DPP4: variants seen among roughly 807,000 people sequenced by gnomAD.
DPP4 encodes the protein ADCP-2.
A neutral mutation model predicts 122.4 loss-of-function variants in DPP4; 93 were observed. The observed-to-expected ratio is 0.76, with a 90% CI of 0.64 to 0.90. DPP4 has a LOEUF of 0.90. Ranked by LOEUF, DPP4 falls within the 40% of genes least tolerant of loss-of-function variation. The pLI, the probability that DPP4 is intolerant of heterozygous loss-of-function variation, is 0.00. For missense variants in DPP4, 914 were observed against 907.3 expected, an observed-to-expected ratio of 1.01 and a Z score of -0.09; for synonymous variants, 321 against 302.9, an observed-to-expected ratio of 1.06 and a Z score of -0.62.
At chr2:162,048,808 T>C (rs1188336950) in intron 2 of DPP4, among the ~76,000 whole-genome samples, 1 of 152,230 alleles carries the variant, frequency 6.6e-6, no homozygotes, top group Non-Finnish European at 1.5e-5. Flanking sequence ...TGCCTACCCA[T>C]GTGGTGTCCT....
At chr2:162,053,427 TA>T (rs59821493) in intron 2 of DPP4, among the ~76,000 whole-genome samples, 6,057 of 144,650 alleles carry the variant, frequency 0.042, 267 homozygotes, top group African/African-American at 0.11. Flanking sequence ...TGAATAACTT[TA>T]AAAAAAAAAA....
At chr2:161,996,007 C>A (rs1166151059) in intron 23 of DPP4, among the ~76,000 whole-genome samples, 2 of 152,060 alleles carry the variant, frequency 1.3e-5, no homozygotes, top group Non-Finnish European at 2.9e-5. Context: ...TTGCTGTTGT[C>A]TGCCTCATTC....
Position 162,009,264 on chromosome 2 carries a change from T to C in DPP4, c.1864A>G (p.Lys622Glu), listed in dbSNP as rs1250152086. The stretch of plus-strand genomic sequence containing the variant: ...ACCCAGCCCCAAATTGCAATTCGTT[T>C]GTTGTCCACAAATCCCATTTTTGAA... ...QFSKMGFVDN[K>E]RIAIWGWSYG... is the part of the protein sequence containing the mutation. The change falls in exon 21 of 26, where the codon AAA (lysine) becomes GAA (glutamate). Residue 622 changes from lysine to glutamate, a missense_variant. Coordinates refer to ENST00000360534, the MANE Select transcript of DPP4 (RefSeq NM_001935.4). The C allele has an allele frequency of 6.2e-7, 1 of 1,613,830 alleles. No individual in the cohort carries two copies. The highest frequency in any genetic ancestry group is 2.2e-5 in the East Asian group (1 of 44,864).
At chr2:162,014,993 C>A (rs912945171) in intron 18 of DPP4, among the ~76,000 whole-genome samples, 2 of 152,164 alleles carry the variant, frequency 1.3e-5, no homozygotes, top group African/African-American at 2.4e-5. Context: ...AGAATGAGAT[C>A]GGGTTTATAT....
chr2:162,054,250 G>C (rs1334866971), intron 2 of DPP4, among the ~76,000 whole-genome samples: 1 of 152,170 alleles, frequency 6.6e-6, no homozygotes, highest in Non-Finnish European at 1.5e-5. Context: ...ATTGTATTTT[G>C]GAAGCACACA....
chr2:162,047,477 C>A lies in DPP4; in HGVS notation c.119G>T (p.Arg40Leu). 1 of 1,575,798 alleles carries A rather than the reference C, an allele frequency of 6.3e-7. No individual in the cohort carries two copies. The change falls in exon 3 of 26, where the codon CGC (arginine) becomes CTC (leucine). Residue 40 changes from arginine to leucine, a missense_variant. Physicochemically the swap from Arg to Leu is moderately radical, Grantham distance 102. Transcript: ENST00000360534. ...GTAATCAGTTAGAGTGTAAGTTTTG[C>A]GACTGTCAGCTGTAGCATCATCTGC... ...KGTDDATADS[R>L]KTYTLTDYLK...
chr2:162,030,296 G>T (rs969774513), intron 10 of DPP4, among the ~76,000 whole-genome samples: 2 of 152,186 alleles, frequency 1.3e-5, no homozygotes, highest in Non-Finnish European at 2.9e-5. Flanking sequence ...TTCAAGTTCA[G>T]GCCTTAGTTG....
At chr2:162,072,792 C>T (rs950648916) in intron 2 of DPP4, among the ~76,000 whole-genome samples, 3 of 152,132 alleles carry the variant, frequency 2.0e-5, no homozygotes, top group Admixed American at 6.5e-5. Context: ...GATTCCAGAC[C>T]CTTCTTAAAT....
At chr2:161,999,707 G>C (rs1701096563) in intron 23 of DPP4, among the ~76,000 whole-genome samples, 1 of 152,190 alleles carries the variant, frequency 6.6e-6, no homozygotes, top group Non-Finnish European at 1.5e-5. Context: ...TTAAAAGAGA[G>C]AGCTGATAAG....
chr2:161,994,879 C>T (rs1700959297), intron 25 of DPP4, 82 bp downstream of exon 25: 3 of 1,299,830 alleles, frequency 2.3e-6, no homozygotes, highest in South Asian at 2.4e-5. Flanking sequence ...CTGTCTGTGG[C>T]ACTGCTAAAA....
At chr2:162,056,244 G>A (rs1429727640) in intron 2 of DPP4, among the ~76,000 whole-genome samples, 1 of 152,140 alleles carries the variant, frequency 6.6e-6, no homozygotes, top group African/African-American at 2.4e-5. Flanking sequence ...TTAATTGGAT[G>A]TAAGCTCCGT....
In DPP4 at chr2:161,995,021, A is replaced by C; in HGVS notation, c.2139T>G (p.Phe713Leu). The C allele has an allele frequency of 6.2e-7, 1 of 1,614,076 alleles. No homozygotes were observed. The highest frequency in any genetic ancestry group is 1.7e-5 in the Admixed American group (1 of 60,018). Residue 713 changes from phenylalanine (F) to leucine (L), a missense_variant, in exon 25 of 26, where the codon TTT becomes TTG. By Grantham distance (22) the Phe-to-Leu change is conservative. Coordinates refer to ENST00000360534, the MANE Select transcript of DPP4 (RefSeq NM_001935.4). ...CTTTGGAGATCTGAGCTGACTGCTG[A>C]AAGTGAACGTTATCTGCAGGGAGAG... ...IHGTADDNVH[F>L]QQSAQISKAL...
At chr2:162,025,334 G>A (rs1384953240) in intron 10 of DPP4, among the ~76,000 whole-genome samples, 1 of 152,072 alleles carries the variant, frequency 6.6e-6, no homozygotes, top group Non-Finnish European at 1.5e-5. Flanking sequence ...GCTAAGATTT[G>A]ACTGTTTCTT....
At chr2:161,996,329 G>A (rs184290912) in intron 23 of DPP4, among the ~76,000 whole-genome samples, 1 of 152,332 alleles carries the variant, frequency 6.6e-6, no homozygotes, top group East Asian at 1.9e-4. Flanking sequence ...GGCAGGAAAG[G>A]GGCAGCAGCA....
intron 11 of DPP4, among the ~76,000 whole-genome samples, chr2:162,023,235 T>C (rs1215066328): frequency 6.6e-6 from 1 of 152,170 alleles, no homozygotes; most frequent in Non-Finnish European, 1.5e-5. Context: ...TCTCTACAGC[T>C]AAGGGCTTTG....
chr2:162,019,665 A>G (rs1168799760), intron 14 of DPP4, among the ~76,000 whole-genome samples: 1 of 152,060 alleles, frequency 6.6e-6, no homozygotes, highest in Non-Finnish European at 1.5e-5. Context: ...CAGGAGCCCC[A>G]TGTTCCTGAG....
At chr2:162,018,645 C>A in intron 16 of DPP4, 84 bp downstream of exon 16, 1 of 1,517,564 alleles carries the variant, frequency 6.6e-7, no homozygotes, top group Non-Finnish European at 8.8e-7. Flanking sequence ...TCAAGAGCTC[C>A]TCAGATTCAA....
At chr2:162,047,944 T>C (rs980974349) in intron 2 of DPP4, among the ~76,000 whole-genome samples, 1 of 152,204 alleles carries the variant, frequency 6.6e-6, no homozygotes, top group Non-Finnish European at 1.5e-5. Flanking sequence ...TTTTTTTCAT[T>C]CTAACTCTCA....
At chr2:162,045,296 G>A (rs1191882462) in intron 5 of DPP4, among the ~76,000 whole-genome samples, 2 of 151,972 alleles carry the variant, frequency 1.3e-5, no homozygotes, top group Non-Finnish European at 2.9e-5. Flanking sequence ...GTATATATTA[G>A]AACAATATAA....
Sources: gnomAD v4.1 joint callset for allele counts (sites outside exome capture counted in the v4.1 genomes callset) on GRCh38, gnomAD v4.1.1 for gene constraint, MANE v1.5 for transcripts, NCBI Gene and HGNC (gene_info 2026-07-23, HGNC 2026-07-21) for gene names.